TBC1D14: variants seen among roughly 807,000 people sequenced by gnomAD.
TBC1D14 encodes TBC1 domain family, member 14.
In TBC1D14, 26 loss-of-function variants were observed where a neutral mutation model predicts 79.0. That is an observed-to-expected ratio of 0.33 (90% CI 0.24 to 0.46). The LOEUF (loss-of-function observed/expected upper bound fraction) is 0.46, where lower values mean the gene tolerates loss of function less well. Ranked by LOEUF, TBC1D14 falls within the 20% of genes least tolerant of loss-of-function variation. TBC1D14 has a pLI of 1.00. For missense variants in TBC1D14, 769 were observed against 887.6 expected, an observed-to-expected ratio of 0.87 and a Z score of 1.70; for synonymous variants, 394 against 349.9, an observed-to-expected ratio of 1.13 and a Z score of -1.40.
chr4:6,988,060 A>G (rs1718065680), intron 3 of TBC1D14, among the ~76,000 whole-genome samples: 2 of 152,218 alleles, frequency 1.3e-5, no homozygotes, highest in South Asian at 4.1e-4. Flanking sequence ...TTCAGGGGTT[A>G]GCCGGGGCTG....
chr4:7,016,871 G>A (rs1305383298), intron 12 of TBC1D14, among the ~76,000 whole-genome samples: 1 of 152,140 alleles, frequency 6.6e-6, no homozygotes, highest in Non-Finnish European at 1.5e-5. Context: ...GCCTGAAGAT[G>A]GTTGTAATCC....
intron 12 of TBC1D14, among the ~76,000 whole-genome samples, chr4:7,014,968 C>G (rs2109271687): frequency 6.6e-6 from 1 of 152,280 alleles, no homozygotes; most frequent in South Asian, 2.1e-4. Flanking sequence ...GGCAGGAGGT[C>G]CTGGACCCAG....
intron 3 of TBC1D14, among the ~76,000 whole-genome samples, chr4:6,993,046 G>A (rs1718667752): frequency 6.6e-6 from 1 of 152,178 alleles, no homozygotes; most frequent in African/African-American, 2.4e-5. Flanking sequence ...TTCTGGCTAA[G>A]AGAATAATTG....
At chr4:6,940,001 G>T (rs1712751971) in intron 2 of TBC1D14, among the ~76,000 whole-genome samples, 1 of 152,228 alleles carries the variant, frequency 6.6e-6, no homozygotes, top group African/African-American at 2.4e-5. Flanking sequence ...TGTGCCCCTG[G>T]CTCCCGCGGC....
At chr4:6,922,745 A>G (rs920392830) in intron 1 of TBC1D14, among the ~76,000 whole-genome samples, 1 of 152,064 alleles carries the variant, frequency 6.6e-6, no homozygotes, top group African/African-American at 2.4e-5. Flanking sequence ...CCAAAAGAAA[A>G]AACCCAACCG....
intron 3 of TBC1D14, among the ~76,000 whole-genome samples, chr4:6,989,557 G>C (rs921648519): frequency 6.6e-6 from 1 of 151,824 alleles, no homozygotes; most frequent in African/African-American, 2.4e-5. Flanking sequence ...TGTGTGGCTC[G>C]CCCCTCCTGG....
chr4:7,000,695 C>T (rs573927099), intron 6 of TBC1D14, among the ~76,000 whole-genome samples: 2 of 152,190 alleles, frequency 1.3e-5, no homozygotes, highest in African/African-American at 4.8e-5. Flanking sequence ...ATTGGTGGTG[C>T]GATGGCCGTC....
At chr4:6,937,158 C>G (rs1712416249) in intron 2 of TBC1D14, among the ~76,000 whole-genome samples, 1 of 152,232 alleles carries the variant, frequency 6.6e-6, no homozygotes, top group South Asian at 2.1e-4. Context: ...CTCAGGTGAT[C>G]TGCCCGCCAC....
In TBC1D14 at chr4:6,911,012, C is replaced by T. The variant is rs185120419; in HGVS notation, c.-18+1061C>T. On this transcript the variant is annotated intron_variant, in intron 1 of 13. Coordinates refer to ENST00000409757, the MANE Select transcript of TBC1D14 (RefSeq NM_020773.3). ...TGTTGGCACCTAGTTGCTGTCTTGCCTAGCTTTTATAGCGGTGGGTTGCCT... is the reference window on the plus strand; with the variant it reads ...TGTTGGCACCTAGTTGCTGTCTTGCTTAGCTTTTATAGCGGTGGGTTGCCT... 5.1e-4 allele frequency among the ~76,000 whole-genome samples: 78 copies of T among 152,240 alleles called. 1 individual carries two copies. Among genetic ancestry groups the T allele is most frequent in the Non-Finnish European group, 1.3e-4 (9 of 68,028 alleles).
chr4:6,975,744 T>G (rs570706958), intron 3 of TBC1D14, among the ~76,000 whole-genome samples: 25 of 152,260 alleles, frequency 1.6e-4, no homozygotes, highest in African/African-American at 6.0e-4. Flanking sequence ...ACAGGCTCAA[T>G]AGCAGAATGG....
At chr4:7,006,598 G>C in intron 8 of TBC1D14, 34 bp from the exon 9 acceptor site, 1 of 1,587,638 alleles carries the variant, frequency 6.3e-7, no homozygotes. Flanking sequence ...TCGTGCCCTT[G>C]AGGAATGTAA....
chr4:6,986,997 A>T (rs1717900293), intron 3 of TBC1D14, among the ~76,000 whole-genome samples: 1 of 152,158 alleles, frequency 6.6e-6, no homozygotes, highest in African/African-American at 2.4e-5. Context: ...GGTGATCTTT[A>T]AGGCAGAAGC....
At chr4:6,944,039 GT>G (rs1231317756) in intron 2 of TBC1D14, among the ~76,000 whole-genome samples, 1 of 152,080 alleles carries the variant, frequency 6.6e-6, no homozygotes, top group African/African-American at 2.4e-5. Context: ...GGGGGTTTGG[GT>G]TTTTTTGTGT....
chr4:7,023,417 C>G (rs62289201), intron 12 of TBC1D14, among the ~76,000 whole-genome samples: 1 of 152,278 alleles, frequency 6.6e-6, no homozygotes, highest in East Asian at 1.9e-4. Flanking sequence ...TGCCCTTTCT[C>G]ATAGTGTTAA....
chr4:7,009,431 A>G (rs775503787), intron 9 of TBC1D14, among the ~76,000 whole-genome samples: 22 of 152,254 alleles, frequency 1.4e-4, no homozygotes, highest in Non-Finnish European at 2.5e-4. Context: ...GAAAACCAAC[A>G]GAAACAAGGA....
At chr4:7,022,515 C>A (rs1721929190) in intron 12 of TBC1D14, among the ~76,000 whole-genome samples, 1 of 152,124 alleles carries the variant, frequency 6.6e-6, no homozygotes, top group South Asian at 2.1e-4. Flanking sequence ...AATGACCTTC[C>A]AAGAAATAGT....
At chr4:6,972,052 G>A (rs546487542) in intron 3 of TBC1D14, among the ~76,000 whole-genome samples, 6 of 152,210 alleles carry the variant, frequency 3.9e-5, no homozygotes, top group Non-Finnish European at 8.8e-5. Flanking sequence ...GGGCAGCATG[G>A]ATGGTGACAC....
At chr4:7,006,486 C>G (rs1720207722) in intron 8 of TBC1D14, 146 bp from the exon 9 acceptor site, 1 of 586,826 alleles carries the variant, frequency 1.7e-6, no homozygotes, top group Non-Finnish European at 3.0e-6. Context: ...TACTCTGAAG[C>G]TGCACTCTGA....
chr4:6,953,785 C>T (rs1714341079), intron 2 of TBC1D14, among the ~76,000 whole-genome samples: 1 of 152,186 alleles, frequency 6.6e-6, no homozygotes, highest in Non-Finnish European at 1.5e-5. Context: ...ATTAATTTCA[C>T]GGTTCTGTGC....
Sources: allele counts gnomAD v4.1 joint callset (sites outside exome capture counted in the v4.1 genomes callset), GRCh38; gene constraint gnomAD v4.1.1; transcripts MANE v1.5; gene names NCBI Gene and HGNC (gene_info 2026-07-23, HGNC 2026-07-21).